Variants in NKX6-1 observed in about 807,000 individuals in gnomAD.
NKX6-1 encodes the protein NK6 homeobox 1.
In NKX6-1, 11 loss-of-function variants were observed where a neutral mutation model predicts 24.9. That is an observed-to-expected ratio of 0.44 (90% CI 0.28 to 0.73). NKX6-1 has a LOEUF of 0.73. NKX6-1 is among the 30% of genes least tolerant of loss of function. The pLI is 0.15. For missense variants in NKX6-1, 487 were observed against 502.9 expected, an observed-to-expected ratio of 0.97 and a Z score of 0.30; for synonymous variants, 277 against 242.9, an observed-to-expected ratio of 1.14 and a Z score of -1.31.
chr4:84,498,361 A>G lies in NKX6-1; in HGVS notation c.-133T>C. The G allele has an allele frequency of 1.9e-6, 2 of 1,033,572 alleles. No homozygotes were observed. The highest frequency in any genetic ancestry group is 2.5e-6 in the Non-Finnish European group (2 of 806,330). 64.0% of individuals were successfully genotyped at this position (1,033,572 alleles called of 1,614,324 possible). A position where few individuals can be genotyped will look rare whatever the true frequency, so the allele number is the denominator to read the frequency against. On this transcript the variant is annotated 5_prime_UTR_variant, in exon 1 of 3. Transcript: ENST00000295886. ...CGGCGCGCCCGGAGGCGAGCTGCCA[A>G]CTGAACCAAAAATGCCGCTGCCGGG...
At chr4:84,495,942 G>A in intron 1 of NKX6-1, 98 bp from the exon 2 acceptor site, 1 of 1,258,360 alleles carries the variant, frequency 7.9e-7, no homozygotes, top group East Asian at 2.3e-5. Context: ...AATGTTTTGT[G>A]GGGAAAGAAA....
Position 84,492,571 on chromosome 4 carries a change from A to G in NKX6-1, c.*718T>C, listed in dbSNP as rs1422088802. On this transcript the variant is annotated 3_prime_UTR_variant, in exon 3 of 3. Coordinates refer to ENST00000295886, the MANE Select transcript of NKX6-1 (RefSeq NM_006168.3). ...AGAGGAACGAGAGGAGGGGACGGAGAAGGTGGGGACATTCTATTCTACGCT... is the reference window on the plus strand; with the variant it reads ...AGAGGAACGAGAGGAGGGGACGGAGGAGGTGGGGACATTCTATTCTACGCT... 3 of 152,330 alleles carry G rather than the reference A, an allele frequency of 2.0e-5. No homozygotes were observed. The highest frequency in any genetic ancestry group is 7.2e-5 in the African/African-American group (3 of 41,424). 9.4% of individuals were successfully genotyped at this position (152,330 alleles called of 1,614,324 possible). A position where few individuals can be genotyped will look rare whatever the true frequency, so the allele number is the denominator to read the frequency against.
chr4:84,495,926 A>G, intron 1 of NKX6-1, 82 bp from the exon 2 acceptor site: 17 of 1,383,138 alleles, frequency 1.2e-5, no homozygotes, highest in Non-Finnish European at 1.7e-5. Flanking sequence ...AACGAACTCG[A>G]AAAACAATGT....
At position 84,493,147 on chromosome 4, in the gene NKX6-1, A is replaced by C; in HGVS notation, c.*142T>G. ...AAAAAAATAGATATGTACATCTCAA[A>C]AATAGCAAAGGGTCCCCGCAGGCAG... On this transcript the variant is annotated 3_prime_UTR_variant, in exon 3 of 3. Coordinates refer to ENST00000295886, the MANE Select transcript of NKX6-1 (RefSeq NM_006168.3). The surrounding 1 kb of genome is among the most constrained non-coding windows in gnomAD (Gnocchi z 5.1). 2 of 709,336 alleles carry C rather than the reference A, an allele frequency of 2.8e-6. No homozygotes were observed. Among genetic ancestry groups the C allele is most frequent in the Non-Finnish European group, 2.0e-6 (1 of 491,332 alleles). The allele number at this position is 709,336 out of a possible 1,614,324, so 43.9% of individuals were successfully genotyped here.
Position 84,497,919 on chromosome 4 carries a change from G to T in NKX6-1, c.310C>A (p.Arg104=). Residue 104 remains arginine, a synonymous_variant, in exon 1 of 3, where the codon CGG becomes AGG. Transcript: ENST00000295886. The surrounding 1 kb of genome is among the most constrained non-coding windows in gnomAD (Gnocchi z 4.8). The part of the protein sequence containing the change: ...TPHGINDILS[R]PSMPVASGAA... The stretch of plus-strand genomic sequence containing the variant: ...CCCGAGGCCACGGGCATGGAGGGCC[G>T]GCTCAGGATATCGTTGATGCCGTGT... The T allele has an allele frequency of 7.7e-7, 1 of 1,300,304 alleles. No individual in the cohort carries two copies. The allele number at this position is 1,300,304 out of a possible 1,614,324, so 80.5% of individuals were successfully genotyped here. A position where few individuals can be genotyped will look rare whatever the true frequency, so the allele number is the denominator to read the frequency against.
chr4:84,495,463 C>T (rs1720798751), intron 2 of NKX6-1, among the ~76,000 whole-genome samples: 3 of 152,192 alleles, frequency 2.0e-5, no homozygotes, highest in African/African-American at 4.8e-5. Flanking sequence ...TTTTGTTCAT[C>T]AAGAGTTTGC....
chr4:84,493,447 C>G lies in NKX6-1; in HGVS notation c.946G>C (p.Ala316Pro). ...QDSETERLKG[A>P]SENEEEDDDY... ...TCGTCCTCTTCCTCGTTCTCCGAGG[C>G]CCCCTTGAGGCGCTCTGTCTCCGAG... Residue 316 changes from alanine (A) to proline (P), a missense_variant, in exon 3 of 3, where the codon GCC becomes CCC. Transcript: ENST00000295886. The surrounding 1 kb of genome is among the most constrained non-coding windows in gnomAD (Gnocchi z 5.1). 3.7e-6 allele frequency: 6 copies of G among 1,614,274 alleles called. No homozygotes were observed. Among genetic ancestry groups the G allele is most frequent in the Non-Finnish European group, 5.1e-6 (6 of 1,180,044 alleles).
In NKX6-1 at chr4:84,498,116, G is replaced by A; in HGVS notation, c.113C>T (p.Ala38Val). 4 of 1,283,320 alleles carry A rather than the reference G, an allele frequency of 3.1e-6. No individual in the cohort carries two copies. Among genetic ancestry groups the A allele is most frequent in the Admixed American group, 3.4e-5 (1 of 29,362 alleles). The allele number at this position is 1,283,320 out of a possible 1,614,324, so 79.5% of individuals were successfully genotyped here. ...MAEMKTPLYP[A>V]AYPPLPAGPP... ...GCCGGCAGGCAGCGGGGGATACGCG[G>A]CAGGGTACAGCGGGGTCTTCATCTC... Residue 38 changes from alanine (A) to valine (V), a missense_variant, in exon 1 of 3, where the codon GCC becomes GTC. Transcript: ENST00000295886.
Position 84,499,095 on chromosome 4 carries a change from C to T in NKX6-1, c.-867G>A, listed in dbSNP as rs1019150987. Among the ~76,000 whole-genome samples, 1 of 152,198 alleles carries T rather than the reference C, an allele frequency of 6.6e-6. No homozygotes were observed. The highest frequency in any genetic ancestry group is 1.5e-5 in the Non-Finnish European group (1 of 68,042). On this transcript the variant is annotated 5_prime_UTR_variant, in exon 1 of 3. Transcript: ENST00000295886. The stretch of plus-strand genomic sequence containing the variant: ...GCAAACGGGCCCGGCGACCCCCGCC[C>T]CACCCCCGCTCCCTCTCTCCCTCTC...
Position 84,497,891 on chromosome 4 carries a change from G to A in NKX6-1, c.338C>T (p.Ala113Val). 1 of 1,283,190 alleles carries A rather than the reference G, an allele frequency of 7.8e-7. No individual in the cohort carries two copies. The highest frequency in any genetic ancestry group is 3.5e-5 in the Admixed American group (1 of 28,710). 79.5% of individuals were successfully genotyped at this position (1,283,190 alleles called of 1,614,324 possible). ...GGAGGGCGAGGCGGAGGGCAGGGCGGCCCCCGAGGCCACGGGCATGGAGGG... is the reference window on the plus strand; with the variant it reads ...GGAGGGCGAGGCGGAGGGCAGGGCGACCCCCGAGGCCACGGGCATGGAGGG... ...SRPSMPVASG[A>V]ALPSASPSGS... The change falls in exon 1 of 3, where the codon GCC becomes GTC. Residue 113 changes from alanine to valine, a missense_variant. By Grantham distance (64) the Ala-to-Val change is moderately conservative. Transcript: ENST00000295886. This position sits in a 1 kb window ranked among gnomAD's most constrained non-coding sequence, Gnocchi z 4.8.
chr4:84,495,036 C>T (rs1444007345), intron 2 of NKX6-1, among the ~76,000 whole-genome samples: 1 of 152,116 alleles, frequency 6.6e-6, no homozygotes, highest in African/African-American at 2.4e-5. Flanking sequence ...AGTGCAAATC[C>T]TAAATCTGTT....
intron 2 of NKX6-1, among the ~76,000 whole-genome samples, chr4:84,494,460 A>G (rs978583005): frequency 1.3e-5 from 2 of 152,236 alleles, no homozygotes; most frequent in Non-Finnish European, 2.9e-5. Context: ...TTTCCCAAAG[A>G]TATTGAATTA....
chr4:84,498,303 C>A lies in NKX6-1; in HGVS notation c.-75G>T, dbSNP rs944486936. ...TGCCCCCCGCGGGGCTCAGAGGAGCCGGAAGCGCCGAGGGCGCGAGCGGAG... is the reference window on the plus strand; with the variant it reads ...TGCCCCCCGCGGGGCTCAGAGGAGCAGGAAGCGCCGAGGGCGCGAGCGGAG... On this transcript the variant is annotated 5_prime_UTR_variant, in exon 1 of 3. Coordinates refer to ENST00000295886, the MANE Select transcript of NKX6-1 (RefSeq NM_006168.3). The A allele has an allele frequency of 2.1e-5, 26 of 1,267,388 alleles. No individual in the cohort carries two copies. Among genetic ancestry groups the A allele is most frequent in the Middle Eastern group, 3.0e-4 (1 of 3,290 alleles). 78.5% of individuals were successfully genotyped at this position (1,267,388 alleles called of 1,614,324 possible).
In NKX6-1 at chr4:84,493,217, ACGCGGTCCCCGCGCCCCT is replaced by A; in HGVS notation, c.*54_*71del. On this transcript the variant is annotated 3_prime_UTR_variant, in exon 3 of 3. Transcript: ENST00000295886. The surrounding 1 kb of genome is among the most constrained non-coding windows in gnomAD (Gnocchi z 5.1). The stretch of plus-strand genomic sequence containing the variant: ...CGAGGAGCGGGCAGGCGCGGCGTGC[ACGCGGTCCCCGCGCCCCT>A]CGCGGCCCCAGAGGTGGAGGCCGGA... The A allele has an allele frequency of 7.4e-7, 1 of 1,345,646 alleles. No homozygotes were observed. Among genetic ancestry groups the A allele is most frequent in the South Asian group, 1.8e-5 (1 of 54,054 alleles). The allele number at this position is 1,345,646 out of a possible 1,614,324, so 83.4% of individuals were successfully genotyped here. A position where few individuals can be genotyped will look rare whatever the true frequency, so the allele number is the denominator to read the frequency against.
chr4:84,496,473 C>T (rs1190241315), intron 1 of NKX6-1: 1 of 152,320 alleles, frequency 6.6e-6, no homozygotes, highest in Admixed American at 6.5e-5. Context: ...TGCCACAGTC[C>T]CCGGGCTTCC....
At position 84,495,586 on chromosome 4, in the gene NKX6-1, T is replaced by G. The variant is rs541767949; in HGVS notation, c.843+86A>C. On this transcript the variant is annotated intron_variant, in intron 2 of 2. Coordinates refer to ENST00000295886, the MANE Select transcript of NKX6-1 (RefSeq NM_006168.3). ...CAGGCGACTGTTTGTTAGTTTGGGGTGTGTGTGTGTGTGTGTGTGCCCATG... is the reference window on the plus strand; with the variant it reads ...CAGGCGACTGTTTGTTAGTTTGGGGGGTGTGTGTGTGTGTGTGTGCCCATG... The G allele has an allele frequency of 2.0e-3, 418 of 205,514 alleles. 1 individual carries two copies. The highest frequency in any genetic ancestry group is 0.013 in the Middle Eastern group (5 of 398). 12.7% of individuals were successfully genotyped at this position (205,514 alleles called of 1,614,324 possible). A position where few individuals can be genotyped will look rare whatever the true frequency, so the allele number is the denominator to read the frequency against.
intron 1 of NKX6-1, chr4:84,496,379 G>C (rs975986337): frequency 1.3e-5 from 2 of 152,360 alleles, no homozygotes; most frequent in African/African-American, 4.8e-5. Flanking sequence ...AAGGGGGAGG[G>C]GGCACAGCCT....
chr4:84,497,168 T>C lies in NKX6-1; in HGVS notation c.670+391A>G, dbSNP rs990859904. The stretch of plus-strand genomic sequence containing the variant: ...AGGAGCCGGGAAAGCAGAGATGCAG[T>C]GGCCTCTCCTCCCCTCTCCTCCCCA... On this transcript the variant is annotated intron_variant, in intron 1 of 2. Transcript: ENST00000295886. The surrounding 1 kb of genome is among the most constrained non-coding windows in gnomAD (Gnocchi z 4.8). 3.3e-5 allele frequency among the ~76,000 whole-genome samples: 5 copies of C among 152,038 alleles called. No homozygotes were observed. Among genetic ancestry groups the C allele is most frequent in the African/African-American group, 1.2e-4 (5 of 41,424 alleles).
At chr4:84,496,080 C>A (rs1408516691) in intron 1 of NKX6-1, among the ~76,000 whole-genome samples, 1 of 152,106 alleles carries the variant, frequency 6.6e-6, no homozygotes, top group African/African-American at 2.4e-5. Flanking sequence ...ATACCTTCTG[C>A]TCAACACCGA....
Sources: gnomAD v4.1 joint callset for allele counts (sites outside exome capture counted in the v4.1 genomes callset) on GRCh38, gnomAD v4.1.1 for gene constraint, Gnocchi (gnomAD v3.1) non-coding constraint, MANE v1.5 for transcripts, NCBI Gene and HGNC (gene_info 2026-07-23, HGNC 2026-07-21) for gene names.